Variants in CCDC149 observed in about 807,000 individuals in gnomAD.
The protein encoded by CCDC149 is coiled-coil domain containing 149.
CCDC149 carries 45 observed loss-of-function variants against 59.9 expected under a neutral mutation model. The observed-to-expected ratio is 0.75, with a 90% CI of 0.59 to 0.96. The LOEUF is 0.96. Ranked by LOEUF, CCDC149 falls within the 40% of genes least tolerant of loss-of-function variation. The probability of loss-of-function intolerance (pLI) is 0.00; values close to 1 mark genes in which losing one functional copy is unlikely to be tolerated. For synonymous variants in CCDC149, 245 were observed against 260.6 expected (o/e 0.94, Z 0.58); for missense variants, 584 against 664.7 (o/e 0.88, Z 1.33).
chr4:24,809,001 C>T (rs934041489), intron 12 of CCDC149, among the ~76,000 whole-genome samples, 182 bp from the exon 13 acceptor site: 5 of 152,172 alleles, frequency 3.3e-5, no homozygotes, highest in Non-Finnish European at 4.4e-5. Context: ...GTGAAACCAG[C>T]GAGCATGCAT....
At chr4:24,861,523 T>C (rs756307375) in intron 3 of CCDC149, among the ~76,000 whole-genome samples, 6 of 151,994 alleles carry the variant, frequency 3.9e-5, no homozygotes, top group Non-Finnish European at 7.4e-5. Context: ...AGACTACATA[T>C]TGGGTACAGT....
intron 4 of CCDC149, among the ~76,000 whole-genome samples, chr4:24,846,818 A>G (rs1006898677): frequency 6.6e-6 from 1 of 152,338 alleles, no homozygotes; most frequent in South Asian, 2.1e-4. Flanking sequence ...TGACATTGGT[A>G]GGAGCATTTG....
intron 4 of CCDC149, among the ~76,000 whole-genome samples, chr4:24,845,528 G>A (rs541160247): frequency 7.2e-5 from 11 of 152,300 alleles, no homozygotes; most frequent in African/African-American, 2.2e-4. Flanking sequence ...AGTGCCAGTC[G>A]TAACTACACA....
intron 4 of CCDC149, among the ~76,000 whole-genome samples, chr4:24,847,729 G>A (rs1560215704): frequency 1.3e-5 from 2 of 152,226 alleles, no homozygotes; most frequent in Non-Finnish European, 2.9e-5. Context: ...CTGGCAGAAC[G>A]AGAACATAAA....
chr4:24,979,696 C>G (rs1431526462), intron 1 of CCDC149, among the ~76,000 whole-genome samples: 1 of 152,140 alleles, frequency 6.6e-6, no homozygotes, highest in Non-Finnish European at 1.5e-5. Context: ...CTTCCTGAAA[C>G]CAGAGTGCAA....
chr4:24,891,205 C>CA (rs1250325423), intron 1 of CCDC149, among the ~76,000 whole-genome samples: 1 of 151,848 alleles, frequency 6.6e-6, no homozygotes, highest in Non-Finnish European at 1.5e-5. Context: ...GCCCCCCCAG[C>CA]AAAAAGTCAG....
rs1349621750 is a variant in CCDC149, at chr4:24,930,813, T to A, written c.-64-35695A>T. 2.6e-5 allele frequency among the ~76,000 whole-genome samples: 4 copies of A among 152,176 alleles called. No individual in the cohort carries two copies. The East Asian group carries it at 5.8e-4, about 22-fold the overall frequency. ...ATAAGTTAGAAATCATGATAAAAAA[T>A]TTCTGTTTTAGAGATCATAAAATTT... On this transcript the variant is annotated intron_variant, in intron 1 of 12. Coordinates refer to the CCDC149 transcript ENST00000389609.
chr4:24,931,314 T>A (rs919550541), intron 1 of CCDC149, among the ~76,000 whole-genome samples: 5 of 145,210 alleles, frequency 3.4e-5, no homozygotes, highest in African/African-American at 1.3e-4. Flanking sequence ...TTTTAAAATA[T>A]ATATATATAT....
intron 1 of CCDC149, among the ~76,000 whole-genome samples, chr4:24,932,149 G>C (rs1008918953): frequency 2.6e-5 from 4 of 152,014 alleles, no homozygotes; most frequent in African/African-American, 9.7e-5. Context: ...TTCCTTGTTA[G>C]CAAAGACTAA....
chr4:24,975,314 G>A (rs575706039), intron 1 of CCDC149, among the ~76,000 whole-genome samples: 81 of 150,224 alleles, frequency 5.4e-4, no homozygotes, highest in African/African-American at 1.8e-3. Context: ...GGAAAAGAAG[G>A]GAGGCAAGAC....
At chr4:24,909,597 TC>T (rs1219493141) in intron 1 of CCDC149, among the ~76,000 whole-genome samples, 1 of 152,150 alleles carries the variant, frequency 6.6e-6, no homozygotes, top group Non-Finnish European at 1.5e-5. Context: ...TGGCTCTGTG[TC>T]CCCACTCAAA....
intron 1 of CCDC149, among the ~76,000 whole-genome samples, chr4:24,920,530 A>G (rs945159079): frequency 1.3e-5 from 2 of 152,206 alleles, no homozygotes; most frequent in African/African-American, 4.8e-5. Context: ...ACTGGCATAG[A>G]GTCACTTCCA....
chr4:24,967,140 T>G (rs78323427), intron 1 of CCDC149, among the ~76,000 whole-genome samples: 5,279 of 152,172 alleles, frequency 0.035, 147 homozygotes, highest in African/African-American at 0.072. Flanking sequence ...GAGGTGGATA[T>G]TTTGCATGGC....
chr4:24,829,658 G>C (rs1716005198), intron 9 of CCDC149: 1 of 152,172 alleles, frequency 6.6e-6, no homozygotes, highest in South Asian at 2.1e-4. Flanking sequence ...GGTCTTGGGA[G>C]GCATTAAAGC....
At chr4:24,919,548 G>A (rs1261026825) in intron 1 of CCDC149, among the ~76,000 whole-genome samples, 2 of 152,188 alleles carry the variant, frequency 1.3e-5, no homozygotes, top group Non-Finnish European at 2.9e-5. Flanking sequence ...GGTCTATTTG[G>A]AAAGCTCTGG....
chr4:24,886,668 T>C (rs955753324), intron 1 of CCDC149, among the ~76,000 whole-genome samples: 2 of 152,310 alleles, frequency 1.3e-5, no homozygotes, highest in South Asian at 2.1e-4. Context: ...TGAATAAAGA[T>C]TGAAAAATAA....
intron 1 of CCDC149, among the ~76,000 whole-genome samples, chr4:24,952,218 TTATACA>T (rs1321332596): frequency 1.3e-5 from 2 of 152,314 alleles, no homozygotes; most frequent in East Asian, 3.9e-4. Context: ...TCGGCTTTGT[TTATACA>T]TATGTGTATT....
intron 1 of CCDC149, among the ~76,000 whole-genome samples, chr4:24,977,598 C>G (rs944932075): frequency 6.6e-6 from 1 of 152,018 alleles, no homozygotes; most frequent in Non-Finnish European, 1.5e-5. Context: ...GTCGTGGACC[C>G]AAATGAAATA....
At chr4:24,947,154 A>G (rs559033414) in intron 1 of CCDC149, among the ~76,000 whole-genome samples, 24 of 152,258 alleles carry the variant, frequency 1.6e-4, no homozygotes, top group African/African-American at 5.3e-4. Flanking sequence ...CTTTTTGCTT[A>G]GTGATATGGT....
Sources: gnomAD v4.1 joint callset for allele counts (sites outside exome capture counted in the v4.1 genomes callset) on GRCh38, gnomAD v4.1.1 for gene constraint, MANE v1.5 for transcripts, NCBI Gene and HGNC (gene_info 2026-07-23, HGNC 2026-07-21) for gene names.